Variants in ITPR1 observed in about 807,000 individuals in gnomAD.
The protein encoded by ITPR1 is inositol 1,4,5-trisphosphate receptor type 1.
ITPR1 carries 96 observed loss-of-function variants against 318.4 expected under a neutral mutation model. That is an observed-to-expected ratio of 0.30 (90% CI 0.26 to 0.36). The LOEUF is 0.36. Ranked by LOEUF, ITPR1 falls within the 10% of genes least tolerant of loss-of-function variation. The probability of loss-of-function intolerance (pLI) is 1.00; values close to 1 mark genes in which losing one functional copy is unlikely to be tolerated. For missense variants in ITPR1, 2,440 were observed against 3,460.2 expected (o/e 0.71, Z 7.40); for synonymous variants, 1,312 against 1,289.9 (o/e 1.02, Z -0.37).
chr3:4,605,431 T>G (rs562326241), intron 4 of ITPR1, among the ~76,000 whole-genome samples: 1 of 152,210 alleles, frequency 6.6e-6, no homozygotes, highest in Non-Finnish European at 1.5e-5. Context: ...AATGGGAATG[T>G]GAACCATAGA....
chr3:4,695,928 T>G (rs567969010), intron 33 of ITPR1, among the ~76,000 whole-genome samples: 1 of 152,356 alleles, frequency 6.6e-6, no homozygotes, highest in South Asian at 2.1e-4. Flanking sequence ...GTGGAAGTGC[T>G]GGATCACAGG....
chr3:4,711,622 C>CT, intron 38 of ITPR1, 135 bp from the exon 39 acceptor site: 1 of 631,714 alleles, frequency 1.6e-6, no homozygotes, highest in South Asian at 1.9e-5. Flanking sequence ...AGGGAATGCC[C>CT]TGAAGTATCT....
chr3:4,695,587 C>A (rs1033444271), intron 33 of ITPR1, among the ~76,000 whole-genome samples: 7 of 152,158 alleles, frequency 4.6e-5, no homozygotes, highest in African/African-American at 1.7e-4. Flanking sequence ...AGGGTAACCA[C>A]AAGCTGATTT....
intron 21 of ITPR1, 92 bp downstream of exon 21, chr3:4,673,479 A>G: frequency 7.8e-7 from 1 of 1,277,494 alleles, no homozygotes. Context: ...AAGAAAGATG[A>G]AGTGTTGGTT....
At chr3:4,567,616 T>TG (rs139470963) in intron 4 of ITPR1, among the ~76,000 whole-genome samples, 30,939 of 151,432 alleles carry the variant, frequency 0.2, 3,429 homozygotes, top group East Asian at 0.42. Flanking sequence ...TTTTTTGGTT[T>TG]CTTTTTTGAG....
At chr3:4,574,782 A>AT (rs1175167399) in intron 4 of ITPR1, among the ~76,000 whole-genome samples, 7 of 152,322 alleles carry the variant, frequency 4.6e-5, no homozygotes, top group African/African-American at 9.6e-5. Flanking sequence ...TGGAACATCA[A>AT]TTTTGCCTGT....
At chr3:4,758,352 C>T (rs1197012752) in intron 44 of ITPR1, among the ~76,000 whole-genome samples, 1 of 152,160 alleles carries the variant, frequency 6.6e-6, no homozygotes, top group African/African-American at 2.4e-5. Flanking sequence ...GCAAGCCATG[C>T]CCGCTCCCAC....
intron 49 of ITPR1, among the ~76,000 whole-genome samples, chr3:4,781,111 G>C (rs1009119553): frequency 4.6e-5 from 7 of 152,206 alleles, no homozygotes; most frequent in Admixed American, 6.5e-5. Flanking sequence ...TTTAGTATTT[G>C]AGAGAATTGG....
At chr3:4,832,281 A>C (rs1435734515) in intron 60 of ITPR1, among the ~76,000 whole-genome samples, 1 of 152,234 alleles carries the variant, frequency 6.6e-6, no homozygotes, top group Non-Finnish European at 1.5e-5. Context: ...TCCTTTTGCT[A>C]TCTTTGCATT....
chr3:4,836,734 T>A (rs1384524149), intron 60 of ITPR1, 40 bp from the exon 61 acceptor site: 5 of 1,281,622 alleles, frequency 3.9e-6, no homozygotes, highest in Non-Finnish European at 5.0e-6. Context: ...AGTGACTCAG[T>A]CTTTTTTTTT....
intron 44 of ITPR1, among the ~76,000 whole-genome samples, chr3:4,752,626 T>C (rs980601516): frequency 3.9e-5 from 6 of 152,190 alleles, no homozygotes; most frequent in Non-Finnish European, 5.9e-5. Context: ...TGTTTCGGAA[T>C]TGCACCTCCT....
intron 44 of ITPR1, among the ~76,000 whole-genome samples, chr3:4,755,499 G>T (rs2044904393): frequency 6.6e-6 from 1 of 151,782 alleles, no homozygotes; most frequent in Non-Finnish European, 1.5e-5. Context: ...TTGGCCTCCG[G>T]AAGTGCTGTG....
In ITPR1 at chr3:4,560,835, T is replaced by C. The variant is rs2086600050; in HGVS notation, c.163+39741T>C. On this transcript the variant is annotated intron_variant, in intron 4 of 61. Transcript: ENST00000649015. ...ATAACGTAACTGAGTGGTTAGTGAA[T>C]GTTCTAGAACTCCTATCTTGGTTTG... 2.0e-5 allele frequency among the ~76,000 whole-genome samples: 3 copies of C among 152,344 alleles called. No individual in the cohort carries two copies. The South Asian group carries it at 6.2e-4, about 32-fold the overall frequency.
intron 4 of ITPR1, among the ~76,000 whole-genome samples, chr3:4,595,315 C>G (rs1478825202): frequency 6.6e-6 from 1 of 152,172 alleles, no homozygotes; most frequent in African/African-American, 2.4e-5. Flanking sequence ...GCAGACTCAT[C>G]TTACATGGCC....
At chr3:4,600,860 T>C (rs2091217904) in intron 4 of ITPR1, among the ~76,000 whole-genome samples, 1 of 152,194 alleles carries the variant, frequency 6.6e-6, no homozygotes, top group Non-Finnish European at 1.5e-5. Flanking sequence ...AATAAAAATA[T>C]GAGCACTATT....
intron 10 of ITPR1, among the ~76,000 whole-genome samples, chr3:4,648,945 CA>C (rs1352980079): frequency 6.6e-6 from 1 of 152,098 alleles, no homozygotes; most frequent in African/African-American, 2.4e-5. Context: ...GAAAAACCTG[CA>C]AAAAACAAAA....
chr3:4,578,841 C>G (rs1219515593), intron 4 of ITPR1, among the ~76,000 whole-genome samples: 1 of 152,192 alleles, frequency 6.6e-6, no homozygotes, highest in Non-Finnish European at 1.5e-5. Flanking sequence ...AACCCTTACA[C>G]TGGTCCATGT....
chr3:4,733,045 C>T, intron 42 of ITPR1, 43 bp from the exon 43 acceptor site: 1 of 1,590,708 alleles, frequency 6.3e-7, no homozygotes, highest in Admixed American at 1.8e-5. Flanking sequence ...CTCGGTGATG[C>T]ATTAAATGCA....
intron 44 of ITPR1, among the ~76,000 whole-genome samples, chr3:4,736,918 C>T (rs1014884512): frequency 2.0e-5 from 3 of 152,118 alleles, no homozygotes; most frequent in Non-Finnish European, 2.9e-5. Flanking sequence ...GGAGCCAGTT[C>T]GTCTGTGAGG....
Sources: allele counts gnomAD v4.1 joint callset (sites outside exome capture counted in the v4.1 genomes callset), GRCh38; gene constraint gnomAD v4.1.1; transcripts MANE v1.5; gene names NCBI Gene and HGNC (gene_info 2026-07-23, HGNC 2026-07-21).